MYH9: variants seen among roughly 807,000 people sequenced by gnomAD.
MYH9 encodes myosin-9.
A neutral mutation model predicts 241.9 loss-of-function variants in MYH9; 29 were observed. That is an observed-to-expected ratio of 0.12 (90% CI 0.09 to 0.16). The LOEUF is 0.16. Among genes scored for constraint, MYH9 ranks in the 10% least tolerant of loss-of-function variants. The probability of loss-of-function intolerance (pLI) is 1.00; values close to 1 mark genes in which losing one functional copy is unlikely to be tolerated. For missense variants in MYH9, 1,803 were observed against 2,595.5 expected, an observed-to-expected ratio of 0.69 and a Z score of 6.63; for synonymous variants, 1,047 against 1,062.6, an observed-to-expected ratio of 0.99 and a Z score of 0.29.
chr22:36,285,209 C>T lies in MYH9; in HGVS notation c.5395G>A (p.Gly1799Ser), dbSNP rs771266540. 10 of 1,614,068 alleles carry T rather than the reference C, an allele frequency of 6.2e-6. No individual in the cohort carries two copies. The highest frequency in any genetic ancestry group is 8.5e-6 in the Non-Finnish European group (10 of 1,180,044). ...GCCTTGTACTTGGACTTGACAGTGC[C>T]CTCCATCTCCTGCAGCTTGACCTTA... Reference protein sequence around the residue: ...ELKVKLQEMEGTVKSKYKASI... With the variant: ...ELKVKLQEMESTVKSKYKASI... The change falls in exon 38 of 41, where the codon GGC becomes AGC. Residue 1799 changes from glycine (G) to serine (S), a missense_variant. By Grantham distance (56) the Gly-to-Ser change is moderately conservative. Transcript: ENST00000216181. The surrounding 1 kb of genome is among the most constrained non-coding windows in gnomAD (Gnocchi z 7.0).
rs2018334327 is a variant in MYH9 at position 36,385,234 on chromosome 22, G to T, written c.-20+2573C>A. 2.0e-5 allele frequency among the ~76,000 whole-genome samples: 3 copies of T among 151,666 alleles called. No individual in the cohort carries two copies. In the South Asian group the frequency reaches 6.2e-4, roughly 32 times the overall value. ...TCTCCCCCTCCAAGAGAAGGGTAGG[G>T]CCAGGCTCAGAGGAAAACAACAGCC... On this transcript the variant is annotated intron_variant, in intron 1 of 40. Transcript: ENST00000216181.
intron 6 of MYH9, 21 bp downstream of exon 6, chr22:36,322,408 G>A: frequency 6.2e-7 from 1 of 1,612,952 alleles, no homozygotes; most frequent in Non-Finnish European, 8.5e-7. Context: ...CCCAGAGCCG[G>A]GGCGCCGCCG....
At chr22:36,356,624 C>T in intron 1 of MYH9, among the ~76,000 whole-genome samples, 1 of 148,134 alleles carries the variant, frequency 6.8e-6, no homozygotes, top group Non-Finnish European at 1.5e-5. Context: ...TTGAAAGCAG[C>T]TGCTATAATA....
At chr22:36,324,996 C>A (rs1451904120) in intron 5 of MYH9, 10 of 718,422 alleles carry the variant, frequency 1.4e-5, no homozygotes, top group Non-Finnish European at 2.6e-5. Context: ...ATGTCACCCT[C>A]CCAAGAACCA....
At position 36,303,949 on chromosome 22, in the gene MYH9, G is replaced by A. The variant is rs377683686; in HGVS notation, c.2390+46C>T. 5.0e-5 allele frequency: 80 copies of A among 1,608,642 alleles called. No homozygotes were observed. In the African/African-American group the frequency reaches 5.3e-4, roughly 11 times the overall value. On this transcript the variant is annotated intron_variant, in intron 19 of 40. Transcript: ENST00000216181. ...AAGTGCCCTTTGGCAACAGAAGGGCGTGGCAAGGCCTGGCATGCGGGGCAG... is the reference window on the plus strand; with the variant it reads ...AAGTGCCCTTTGGCAACAGAAGGGCATGGCAAGGCCTGGCATGCGGGGCAG...
At position 36,281,917 on chromosome 22, in the gene MYH9, G is replaced by C. The variant is rs998449658; in HGVS notation, c.*751C>G. On this transcript the variant is annotated 3_prime_UTR_variant, in exon 41 of 41. Transcript: ENST00000216181. ...GGGAGAAGCCACTGGAAGGCTGCTG[G>C]CCTTTCCAGCTTGACCCCGACAGCC... 2 of 231,952 alleles carry C rather than the reference G, an allele frequency of 8.6e-6. No individual in the cohort carries two copies. Among genetic ancestry groups the C allele is most frequent in the Admixed American group, 1.1e-4 (2 of 17,756 alleles). The allele number at this position is 231,952 out of a possible 1,614,324, so 14.4% of individuals were successfully genotyped here.
In MYH9 at chr22:36,288,780, G is replaced by A; in HGVS notation, c.4717C>T (p.Leu1573=). The change falls in exon 33 of 41, where the codon CTG becomes TTG. Residue 1573 remains leucine (L), a synonymous_variant. Transcript: ENST00000216181. This position sits in a 1 kb window ranked among gnomAD's most constrained non-coding sequence, Gnocchi z 4.8. The part of the protein sequence containing the change: ...QAMKAQFERD[L]QGRDEQSEEK... Reference sequence around the variant, plus strand: ...TCGCTCTGCTCGTCCCGGCCCTGCAGGTCCCGCTCGAACTGGGCCTTCATG... The same window carrying A: ...TCGCTCTGCTCGTCCCGGCCCTGCAAGTCCCGCTCGAACTGGGCCTTCATG... 2 of 1,611,200 alleles carry A rather than the reference G, an allele frequency of 1.2e-6. No homozygotes were observed. Among genetic ancestry groups the A allele is most frequent in the Non-Finnish European group, 1.7e-6 (2 of 1,179,998 alleles).
At chr22:36,381,256 T>C (rs577939699) in intron 1 of MYH9, among the ~76,000 whole-genome samples, 27 of 152,330 alleles carry the variant, frequency 1.8e-4, no homozygotes, top group Admixed American at 5.9e-4. Context: ...GGCTCATGCC[T>C]GTAATCCCAG....
At chr22:36,332,104 CA>C (rs2017429414) in intron 3 of MYH9, among the ~76,000 whole-genome samples, 2 of 152,142 alleles carry the variant, frequency 1.3e-5, no homozygotes, top group Admixed American at 1.3e-4. Flanking sequence ...AAACCTCACG[CA>C]CCCCAGGACT....
chr22:36,296,661 A>T (rs976453620), intron 25 of MYH9, among the ~76,000 whole-genome samples, 182 bp downstream of exon 25: 3 of 152,024 alleles, frequency 2.0e-5, no homozygotes, highest in African/African-American at 7.3e-5. Flanking sequence ...ACAAAAGACA[A>T]ATGAGGCCCC....
intron 31 of MYH9, among the ~76,000 whole-genome samples, chr22:36,290,571 C>T (rs1430241616): frequency 6.6e-6 from 1 of 152,200 alleles, no homozygotes; most frequent in Non-Finnish European, 1.5e-5. Context: ...GCCGCCACCC[C>T]ATCTGGGAAG....
At chr22:36,337,510 T>G (rs189537510) in intron 3 of MYH9, among the ~76,000 whole-genome samples, 13 of 152,312 alleles carry the variant, frequency 8.5e-5, no homozygotes, top group Admixed American at 5.2e-4. Flanking sequence ...TAAAGGCAGA[T>G]GGAGGTCCCC....
chr22:36,334,583 C>T (rs1038153799), intron 3 of MYH9, among the ~76,000 whole-genome samples: 2 of 152,184 alleles, frequency 1.3e-5, no homozygotes, highest in South Asian at 2.1e-4. Context: ...CCTGGACTCT[C>T]GGGAGAGTGT....
intron 1 of MYH9, among the ~76,000 whole-genome samples, chr22:36,353,102 CGTGTGTGTGTGTGT>C (rs71323001): frequency 0.1 from 14,289 of 142,948 alleles, 707 homozygotes; most frequent in South Asian, 0.12. Context: ...CCTCTGGGGG[CGTGTGTGTGTGTGT>C]GTGTGTGTGT....
intron 3 of MYH9, among the ~76,000 whole-genome samples, chr22:36,335,303 C>T (rs1246879883): frequency 1.3e-5 from 2 of 152,252 alleles, no homozygotes; most frequent in African/African-American, 2.4e-5. Context: ...ACACAGAACA[C>T]GCCCCATCTT....
intron 30 of MYH9, among the ~76,000 whole-genome samples, chr22:36,292,473 C>T (rs548229472): frequency 2.0e-5 from 3 of 152,224 alleles, no homozygotes; most frequent in African/African-American, 7.2e-5. Flanking sequence ...CCCCCAGGCC[C>T]GCTGTGGGGG....
At position 36,330,456 on chromosome 22, in the gene MYH9, T is replaced by C. The variant is rs1478816711; in HGVS notation, c.491-2968A>G. On this transcript the variant is annotated intron_variant, in intron 3 of 40. Transcript: ENST00000216181. The surrounding 1 kb of genome is among the most constrained non-coding windows in gnomAD (Gnocchi z 4.5). ...CCTCCAATAACCTTACAAGGTATTG[T>C]ATTGTAATGTACAAAGCAGGTATTA... 6.6e-6 allele frequency among the ~76,000 whole-genome samples: 1 copy of C among 152,224 alleles called. No individual in the cohort carries two copies. The highest frequency in any genetic ancestry group is 6.5e-5 in the Admixed American group (1 of 15,288).
intron 6 of MYH9, 141 bp from the exon 7 acceptor site, chr22:36,321,962 C>T: frequency 1.3e-6 from 1 of 789,070 alleles, no homozygotes; most frequent in African/African-American, 1.7e-5. Context: ...ACCCATGTAC[C>T]AGGCCAGGGG....
At chr22:36,342,964 G>A (rs540172251) in intron 2 of MYH9, among the ~76,000 whole-genome samples, 1 of 152,278 alleles carries the variant, frequency 6.6e-6, no homozygotes, top group African/African-American at 2.4e-5. Context: ...CATCACAAGT[G>A]GCCTGCACCT....
Sources: allele counts gnomAD v4.1 joint callset (sites outside exome capture counted in the v4.1 genomes callset), GRCh38; gene constraint gnomAD v4.1.1; non-coding constraint Gnocchi (gnomAD v3.1); transcripts MANE v1.5; gene names NCBI Gene and HGNC (gene_info 2026-07-23, HGNC 2026-07-21).